The following UNC13B variants were observed in gnomAD, a reference collection of about 807,000 sequenced individuals.
UNC13B encodes unc-13 homolog B.
UNC13B carries 144 observed loss-of-function variants against 211.0 expected under a neutral mutation model. That is an observed-to-expected ratio of 0.68 (90% CI 0.60 to 0.78). The LOEUF (loss-of-function observed/expected upper bound fraction) is 0.78, where lower values mean the gene tolerates loss of function less well. Ranked by LOEUF, UNC13B falls within the 30% of genes least tolerant of loss-of-function variation. The probability of loss-of-function intolerance (pLI) is 0.00; values close to 1 mark genes in which losing one functional copy is unlikely to be tolerated. For synonymous variants in UNC13B, 709 were observed against 725.8 expected, an observed-to-expected ratio of 0.98 and a Z score of 0.37; for missense variants, 1,777 against 2,002.0, an observed-to-expected ratio of 0.89 and a Z score of 2.14.
At chr9:35,200,767 C>CA (rs1823236777) in intron 1 of UNC13B, among the ~76,000 whole-genome samples, 1 of 152,174 alleles carries the variant, frequency 6.6e-6, no homozygotes, top group South Asian at 2.1e-4. Context: ...GATATACAAT[C>CA]ATGTCATTTG....
chr9:35,255,765 T>C (rs1158725007), intron 6 of UNC13B, among the ~76,000 whole-genome samples: 2 of 152,100 alleles, frequency 1.3e-5, no homozygotes, highest in Non-Finnish European at 1.5e-5. Flanking sequence ...CAGAAGCAAT[T>C]TGGGGAGGTT....
intron 8 of UNC13B, among the ~76,000 whole-genome samples, chr9:35,298,644 G>A (rs1350702972): frequency 6.6e-6 from 1 of 152,142 alleles, no homozygotes; most frequent in African/African-American, 2.4e-5. Context: ...TAGTGACTAA[G>A]TGTCTGCTTT....
At chr9:35,254,963 T>C (rs1826752160) in intron 6 of UNC13B, among the ~76,000 whole-genome samples, 1 of 121,696 alleles carries the variant, frequency 8.2e-6, no homozygotes, top group Non-Finnish European at 1.6e-5. Flanking sequence ...TAATATAATA[T>C]ATTATATTAT....
intron 11 of UNC13B, among the ~76,000 whole-genome samples, chr9:35,332,895 T>A (rs1276505178): frequency 6.6e-6 from 1 of 152,190 alleles, no homozygotes; most frequent in Non-Finnish European, 1.5e-5. Context: ...TTTCTTAAAA[T>A]AATATATTTT....
Position 35,398,236 on chromosome 9 carries a change from A to G in UNC13B, c.11780A>G (p.Gln3927Arg). ...KLPCILMNNV[Q>R]QLRVQLEKMF... ...CCCTGCATCCTGATGAACAACGTGC[A>G]GCAACTGAGGGTCCAGCTGGAGAAA... Residue 3927 changes from glutamine (Q) to arginine (R), a missense_variant, in exon 31 of 40, where the codon CAG becomes CGG. Physicochemically the swap from Gln to Arg is conservative, Grantham distance 43. Transcript: ENST00000635942. 6.2e-7 allele frequency: 1 copy of G among 1,614,026 alleles called. No individual in the cohort carries two copies. Among genetic ancestry groups the G allele is most frequent in the Non-Finnish European group, 8.5e-7 (1 of 1,179,954 alleles).
At chr9:35,224,776 C>T (rs532747606) in intron 1 of UNC13B, among the ~76,000 whole-genome samples, 2 of 152,140 alleles carry the variant, frequency 1.3e-5, no homozygotes, top group South Asian at 2.1e-4. Flanking sequence ...ATGCAAAAAT[C>T]GTCAACAAAA....
intron 11 of UNC13B, among the ~76,000 whole-genome samples, chr9:35,339,747 C>G (rs1460324857): frequency 6.6e-6 from 1 of 152,238 alleles, no homozygotes; most frequent in African/African-American, 2.4e-5. Context: ...CTGGAAAGCC[C>G]AAGCTGCTTA....
chr9:35,338,302 C>T (rs1831782335), intron 11 of UNC13B, among the ~76,000 whole-genome samples: 1 of 152,124 alleles, frequency 6.6e-6, no homozygotes, highest in Non-Finnish European at 1.5e-5. Flanking sequence ...GGTCCTTGAC[C>T]TGATTGTAGG....
chr9:35,398,161 G>GA, intron 30 of UNC13B, 50 bp from the exon 31 acceptor site: 1 of 1,571,528 alleles, frequency 6.4e-7, no homozygotes, highest in East Asian at 2.3e-5. Context: ...AGGCTAATGG[G>GA]TCCTATGCTG....
intron 1 of UNC13B, among the ~76,000 whole-genome samples, chr9:35,185,445 A>G (rs1455699563): frequency 6.6e-6 from 1 of 152,202 alleles, no homozygotes; most frequent in Non-Finnish European, 1.5e-5. Flanking sequence ...CTTGCAGGAC[A>G]GTTCTCAAAT....
At chr9:35,398,432 G>T (rs1266967261) in intron 31 of UNC13B, 122 bp from the exon 32 acceptor site, 1 of 1,347,638 alleles carries the variant, frequency 7.4e-7, no homozygotes, top group Non-Finnish European at 1.0e-6. Context: ...AGGCATTCGG[G>T]TAAGGCCCTG....
At position 35,403,208 on chromosome 9, in the gene UNC13B, G is replaced by A. The variant is rs1433568301; in HGVS notation, c.12526G>A (p.Val4176Met). 7.4e-6 allele frequency: 12 copies of A among 1,614,028 alleles called. No individual in the cohort carries two copies. The change falls in exon 38 of 40, where the codon GTG becomes ATG. Residue 4176 changes from valine (V) to methionine (M), a missense_variant. Physicochemically the swap from Val to Met is conservative, Grantham distance 21 (BLOSUM62 1). Transcript: ENST00000635942. ...DDPVGEVSIQ[V>M]DLFTHPGTGE... ...TCCTGTGGGAGAAGTCTCTATTCAG[G>A]TGGACTTGTTTACACACCCTGGTAC...
intron 24 of UNC13B, among the ~76,000 whole-genome samples, chr9:35,388,997 T>G (rs1391940760): frequency 1.3e-5 from 2 of 152,194 alleles, no homozygotes; most frequent in Admixed American, 1.3e-4. Context: ...TGTCCTGGTT[T>G]CTAGGAACTT....
At chr9:35,227,155 A>G (rs558105984) in intron 1 of UNC13B, among the ~76,000 whole-genome samples, 6 of 152,348 alleles carry the variant, frequency 3.9e-5, no homozygotes, top group African/African-American at 1.2e-4. Context: ...CAATAAAAAG[A>G]ATAGATTTTA....
At chr9:35,296,710 A>G (rs1310670859) in intron 8 of UNC13B, among the ~76,000 whole-genome samples, 1 of 152,192 alleles carries the variant, frequency 6.6e-6, no homozygotes, top group African/African-American at 2.4e-5. Context: ...TACCACATTT[A>G]CTTTATCTCA....
intron 1 of UNC13B, among the ~76,000 whole-genome samples, chr9:35,166,943 A>G (rs1821068086): frequency 6.6e-6 from 1 of 152,206 alleles, no homozygotes; most frequent in Non-Finnish European, 1.5e-5. Flanking sequence ...AGTCTAAACC[A>G]AGCTTGTCCA....
intron 11 of UNC13B, among the ~76,000 whole-genome samples, chr9:35,335,173 G>T (rs775646905): frequency 3.7e-4 from 56 of 152,346 alleles, no homozygotes; most frequent in Admixed American, 7.2e-4. Flanking sequence ...GGATTAGGGT[G>T]ATCAGAGAAG....
chr9:35,248,251 CT>C (rs1826222683), intron 6 of UNC13B, among the ~76,000 whole-genome samples: 1 of 152,136 alleles, frequency 6.6e-6, no homozygotes, highest in South Asian at 2.1e-4. Flanking sequence ...CTCTTTTCTT[CT>C]TTATTAGTCT....
chr9:35,214,990 T>G (rs964574140), intron 1 of UNC13B, among the ~76,000 whole-genome samples: 4 of 152,182 alleles, frequency 2.6e-5, no homozygotes, highest in African/African-American at 9.7e-5. Flanking sequence ...AAGTATTTGT[T>G]GAATAAGTGA....
Sources: gnomAD v4.1 joint callset for allele counts (sites outside exome capture counted in the v4.1 genomes callset) on GRCh38, gnomAD v4.1.1 for gene constraint, MANE v1.5 for transcripts, NCBI Gene and HGNC (gene_info 2026-07-23, HGNC 2026-07-21) for gene names.